Variants in RHOBTB2 observed in about 807,000 individuals in gnomAD.
RHOBTB2 encodes the protein Rho related BTB domain containing 2.
A neutral mutation model predicts 66.5 loss-of-function variants in RHOBTB2; 39 were observed. The observed-to-expected ratio is 0.59, with a 90% confidence interval of 0.45 to 0.77. The LOEUF is 0.77. Ranked by LOEUF, RHOBTB2 falls within the 30% of genes least tolerant of loss-of-function variation. The pLI, the probability that RHOBTB2 is intolerant of heterozygous loss-of-function variation, is 0.00. For missense variants in RHOBTB2, 755 were observed against 999.1 expected, an observed-to-expected ratio of 0.76 and a Z score of 3.29; for synonymous variants, 390 against 395.0, an observed-to-expected ratio of 0.99 and a Z score of 0.15.
chr8:22,960,476 G>A, the RHOBTB2 span, among the ~76,000 whole-genome samples: 1 of 151,604 alleles, frequency 6.6e-6, no homozygotes, highest in Non-Finnish European at 1.5e-5. Context: ...GCACCACCAC[G>A]CCCGGCTAAT....
intron 6 of RHOBTB2, among the ~76,000 whole-genome samples, chr8:23,009,002 C>T (rs569131235): frequency 1.3e-5 from 2 of 151,958 alleles, no homozygotes; most frequent in African/African-American, 4.8e-5. Flanking sequence ...ATAGGGCCAG[C>T]AAGGCTTTAG....
At chr8:22,975,833 C>T in the RHOBTB2 span, among the ~76,000 whole-genome samples, 2 of 152,102 alleles carry the variant, frequency 1.3e-5, no homozygotes, top group African/African-American at 4.8e-5. Flanking sequence ...CCTCCTGTCT[C>T]TTCCTAGATC....
the RHOBTB2 span, among the ~76,000 whole-genome samples, chr8:22,981,071 C>T: frequency 6.6e-6 from 1 of 152,152 alleles, no homozygotes; most frequent in Non-Finnish European, 1.5e-5. Flanking sequence ...AATTTTAAAC[C>T]ACCAACTGAT....
chr8:22,994,512 CCT>C (rs1338621872), intron 2 of RHOBTB2: 22 of 1,153,926 alleles, frequency 1.9e-5, no homozygotes, highest in Non-Finnish European at 2.5e-5. Flanking sequence ...CCCTTTCTCC[CCT>C]CTGTCTCCCC....
rs201839864 is a variant in RHOBTB2 at position 23,010,619 on chromosome 8, G to A, written c.1702G>A (p.Asp568Asn). The change falls in exon 7 of 10, where the codon GAC becomes AAC. Residue 568 changes from aspartate (D) to asparagine (N), a missense_variant. By Grantham distance (23) the Asp-to-Asn change is conservative. This residue lies in a region of RHOBTB2 where 353 missense variants were observed against 458.2 expected (regional missense o/e 0.77). Transcript: ENST00000251822. ...LYTGMFTSSPDLDDMKLIILA... is the reference protein window; with the variant it reads ...LYTGMFTSSPNLDDMKLIILA... ...CACCGGCATGTTCACCTCCAGCCCC[G>A]ACCTGGATGACATGAAGCTCATCAT... 9.6e-5 allele frequency: 155 copies of A among 1,614,102 alleles called. No individual in the cohort carries two copies. In the Middle Eastern group the frequency reaches 3.1e-3, roughly 33 times the overall value.
intron 1 of RHOBTB2, among the ~76,000 whole-genome samples, chr8:22,990,919 C>A (rs1585179727): frequency 6.6e-6 from 1 of 152,304 alleles, no homozygotes; most frequent in African/African-American, 2.4e-5. Flanking sequence ...CTGCCTCCCC[C>A]GACCTCAATT....
At chr8:22,957,325 A>G in the RHOBTB2 span, among the ~76,000 whole-genome samples, 2 of 152,090 alleles carry the variant, frequency 1.3e-5, no homozygotes, top group Non-Finnish European at 2.9e-5. Flanking sequence ...CTCTTTTGTG[A>G]TCACTAAATA....
chr8:23,007,189 A>T lies in RHOBTB2; in HGVS notation c.944A>T (p.His315Leu). The T allele has an allele frequency of 6.2e-7, 1 of 1,604,002 alleles. No individual in the cohort carries two copies. Among genetic ancestry groups the T allele is most frequent in the Non-Finnish European group, 8.5e-7 (1 of 1,178,482 alleles). The change falls in exon 5 of 10, where the codon CAC becomes CTC. Residue 315 changes from histidine to leucine, a missense_variant. Physicochemically the swap from His to Leu is moderately conservative, Grantham distance 99. Transcript: ENST00000251822. Reference protein sequence around the residue: ...LGGPSEPGGTHPEDHQGHSDQ... With the variant: ...LGGPSEPGGTLPEDHQGHSDQ... ...GGCCCCTCGGAGCCAGGGGGCACCCACCCAGAGGACCACCAGGGCCACTCT... is the reference window on the plus strand; with the variant it reads ...GGCCCCTCGGAGCCAGGGGGCACCCTCCCAGAGGACCACCAGGGCCACTCT...
the RHOBTB2 span, among the ~76,000 whole-genome samples, chr8:22,956,718 A>G: frequency 6.6e-6 from 1 of 152,066 alleles, no homozygotes; most frequent in Non-Finnish European, 1.5e-5. Flanking sequence ...CTGGAGTGCA[A>G]TGGCGCAATC....
intron 9 of RHOBTB2, among the ~76,000 whole-genome samples, chr8:23,016,389 T>A (rs1010455542): frequency 6.6e-6 from 1 of 152,130 alleles, no homozygotes; most frequent in East Asian, 1.9e-4. Flanking sequence ...TTTTCACTAC[T>A]ACAACACTTT....
upstream of RHOBTB2, among the ~76,000 whole-genome samples, chr8:22,997,132 G>A (rs1480185709): frequency 6.6e-6 from 1 of 152,108 alleles, no homozygotes; most frequent in Non-Finnish European, 1.5e-5. Flanking sequence ...CTGGCCTGAG[G>A]AGGAGGTCTG....
At chr8:22,995,618 G>A (rs772420078), upstream of RHOBTB2, among the ~76,000 whole-genome samples, 17 of 152,242 alleles carry the variant, frequency 1.1e-4, no homozygotes, top group Non-Finnish European at 2.2e-4. Flanking sequence ...ACCTGATGGT[G>A]TCCCTTAAGG....
chr8:22,996,044 CCTG>C (rs1407856411), upstream of RHOBTB2, among the ~76,000 whole-genome samples: 1 of 152,180 alleles, frequency 6.6e-6, no homozygotes, highest in African/African-American at 2.4e-5. Context: ...GGCCGGGGAG[CCTG>C]CTGCGCTTTG....
At chr8:22,951,012 A>G in the RHOBTB2 span, among the ~76,000 whole-genome samples, 3 of 152,134 alleles carry the variant, frequency 2.0e-5, no homozygotes, top group African/African-American at 7.2e-5. Flanking sequence ...TTAGAAAAGA[A>G]AATGATTTGG....
At chr8:22,966,801 A>C in the RHOBTB2 span, among the ~76,000 whole-genome samples, 1 of 152,172 alleles carries the variant, frequency 6.6e-6, no homozygotes, top group East Asian at 1.9e-4. Flanking sequence ...ACACATCTGA[A>C]TGGAGCTCAT....
intron 8 of RHOBTB2, 107 bp from the exon 9 acceptor site, chr8:23,015,531 C>G (rs1390520730): frequency 2.8e-6 from 2 of 723,124 alleles, no homozygotes; most frequent in Non-Finnish European, 4.7e-6. Context: ...TGCAGGGCCT[C>G]TGCGTGCCCT....
upstream of RHOBTB2, among the ~76,000 whole-genome samples, chr8:22,985,786 A>G (rs1182153937): frequency 6.6e-6 from 1 of 152,072 alleles, no homozygotes; most frequent in African/African-American, 2.4e-5. Context: ...AATGCCCCTG[A>G]CCTGGCCAGC....
At chr8:23,000,365 A>G (rs962742040) in intron 1 of RHOBTB2, among the ~76,000 whole-genome samples, 1 of 152,134 alleles carries the variant, frequency 6.6e-6, no homozygotes, top group African/African-American at 2.4e-5. Context: ...TTAAATTTCT[A>G]TTTTGTGTGT....
chr8:23,005,995 A>G lies in RHOBTB2; in HGVS notation c.332A>G (p.Asn111Ser), dbSNP rs766119429. 1.7e-5 allele frequency: 28 copies of G among 1,612,918 alleles called. No homozygotes were observed. The highest frequency in any genetic ancestry group is 2.4e-5 in the Non-Finnish European group (28 of 1,179,458). Residue 111 changes from asparagine to serine, a missense_variant, in exon 4 of 10, where the codon AAC (asparagine) becomes AGC (serine). Asn to Ser is a conservative substitution (Grantham distance 46). This residue lies in a region of RHOBTB2 where 33 missense variants were observed against 36.0 expected (regional missense o/e 0.92). Transcript: ENST00000251822. ...DVVVLCFSIA[N>S]PNSLHHVKTM... ...GTGGTTCTGTGCTTCTCCATTGCCA[A>G]CCCCAATTCCCTCCACCATGTCAAG...
Sources: gnomAD v4.1 joint callset for allele counts (sites outside exome capture counted in the v4.1 genomes callset) on GRCh38, gnomAD v4.1.1 for gene constraint, gnomAD v4.1.1 regional missense constraint, MANE v1.5 for transcripts, NCBI Gene and HGNC (gene_info 2026-07-23, HGNC 2026-07-21) for gene names.